ZBTB17: variants seen among roughly 807,000 people sequenced by gnomAD.
ZBTB17 encodes the protein zinc finger and BTB domain containing 17.
ZBTB17 carries 24 observed loss-of-function variants against 85.1 expected under a neutral mutation model. That is an observed-to-expected ratio of 0.28 (90% CI 0.20 to 0.40). The LOEUF is 0.40. ZBTB17 is among the 10% of genes least tolerant of loss of function. The pLI, the probability that ZBTB17 is intolerant of heterozygous loss-of-function variation, is 1.00. For synonymous variants in ZBTB17, 464 were observed against 460.2 expected, an observed-to-expected ratio of 1.01 and a Z score of -0.11; for missense variants, 743 against 1,105.1, an observed-to-expected ratio of 0.67 and a Z score of 4.65.
chr1:15,959,614 G>GGAGGGAGGA (rs373396063), intron 2 of ZBTB17, among the ~76,000 whole-genome samples: 2 of 145,890 alleles, frequency 1.4e-5, no homozygotes, highest in African/African-American at 2.5e-5. Context: ...ACAGAGGGAA[G>GGAGGGAGGA]GAGGGAGGAG....
intron 5 of ZBTB17, 47 bp from the exon 6 acceptor site, chr1:15,945,887 G>T: frequency 6.4e-7 from 1 of 1,569,000 alleles, no homozygotes; most frequent in East Asian, 2.2e-5. Flanking sequence ...CTCTGCCCAG[G>T]GGTCGGATAC....
intron 2 of ZBTB17, among the ~76,000 whole-genome samples, chr1:15,950,585 A>C (rs1208999952): frequency 6.6e-6 from 1 of 152,234 alleles, no homozygotes; most frequent in Non-Finnish European, 1.5e-5. Flanking sequence ...AACTGGCTTC[A>C]GAAGCAGCCC....
chr1:15,963,604 G>A (rs925121028), intron 2 of ZBTB17, among the ~76,000 whole-genome samples: 7 of 152,082 alleles, frequency 4.6e-5, no homozygotes, highest in South Asian at 2.1e-4. Flanking sequence ...ACAGAGGAGG[G>A]AAAAATCTTC....
At position 15,942,940 on chromosome 1, in the gene ZBTB17, C is replaced by T. The variant is rs75136744; in HGVS notation, c.1828+124G>A. ...GTCCTCATTTGAACAGAACTGCCTT[C>T]AAGGCCACCTGCAGCAAGAGCTAGC... On this transcript the variant is annotated intron_variant, in intron 13 of 15. Transcript: ENST00000375743. The T allele has an allele frequency of 8.9e-4, 1,305 of 1,470,466 alleles. 14 individuals carry two copies. In the African/African-American group the frequency reaches 0.016, roughly 18 times the overall value. The allele number at this position is 1,470,466 out of a possible 1,614,324, so 91.1% of individuals were successfully genotyped here.
intron 14 of ZBTB17, 25 bp from the exon 15 acceptor site, chr1:15,942,445 A>AG: frequency 6.2e-7 from 1 of 1,612,490 alleles, no homozygotes; most frequent in Non-Finnish European, 8.5e-7. Flanking sequence ...GCAGGGCCTA[A>AG]GGTGAAGGCA....
Position 15,944,375 on chromosome 1 carries a change from G to C in ZBTB17, c.1296C>G (p.Ser432=), listed in dbSNP as rs1191509180. Residue 432 remains serine, a synonymous_variant, in exon 9 of 16, where the codon TCC becomes TCG. Transcript: ENST00000375743. Reference sequence around the variant, plus strand: ...CGTGGGTCTCCAGGTGGCGCATCTTGGAAGTGGGGTCGGAGAAGGAGCGGC... The same window carrying C: ...CGTGGGTCTCCAGGTGGCGCATCTTCGAAGTGGGGTCGGAGAAGGAGCGGC... The part of the protein sequence containing the change: ...YCGRSFSDPT[S]KMRHLETHDT... 6.4e-7 allele frequency: 1 copy of C among 1,559,794 alleles called. No homozygotes were observed. The highest frequency in any genetic ancestry group is 1.9e-5 in the Admixed American group (1 of 51,694).
At chr1:15,975,803 C>T (rs1410990879) in intron 1 of ZBTB17, among the ~76,000 whole-genome samples, 180 bp downstream of exon 1, 1 of 151,458 alleles carries the variant, frequency 6.6e-6, no homozygotes, top group Admixed American at 6.6e-5. Context: ...CGACGCCCCC[C>T]GCCCCGCCAC....
chr1:15,972,371 C>T (rs1445912276), intron 2 of ZBTB17, among the ~76,000 whole-genome samples: 1 of 152,210 alleles, frequency 6.6e-6, no homozygotes, highest in Non-Finnish European at 1.5e-5. Flanking sequence ...TGGGATCACA[C>T]CCCCAAGAGA....
Position 15,942,662 on chromosome 1 carries a change from G to C in ZBTB17, c.1905C>G (p.Thr635=), listed in dbSNP as rs143543591. The part of the protein sequence containing the change: ...RVDNLRSHVK[T]VHQGKAGIKI... ...TGATGCCTGCCTTGCCCTGGTGCAC[G>C]GTCTTCACGTGGGAGCGCAGGTTGT... The change falls in exon 14 of 16, where the codon ACC becomes ACG. Residue 635 remains threonine (T), a synonymous_variant. Transcript: ENST00000375743. The C allele has an allele frequency of 8.1e-6, 13 of 1,613,562 alleles. No individual in the cohort carries two copies. In the East Asian group the frequency reaches 8.9e-5, roughly 11 times the overall value.
chr1:15,959,996 A>C (rs2072198409), intron 2 of ZBTB17, among the ~76,000 whole-genome samples: 1 of 152,372 alleles, frequency 6.6e-6, no homozygotes, highest in Non-Finnish European at 1.5e-5. Flanking sequence ...CAATATGAGC[A>C]GAAATTCCTT....
chr1:15,954,426 G>C (rs2071973217), intron 2 of ZBTB17, among the ~76,000 whole-genome samples: 1 of 152,186 alleles, frequency 6.6e-6, no homozygotes, highest in Admixed American at 6.5e-5. Context: ...AGAACAAGCT[G>C]CTCCCAGCTC....
At chr1:15,971,373 T>TAC (rs1355869772) in intron 2 of ZBTB17, among the ~76,000 whole-genome samples, 1 of 82,676 alleles carries the variant, frequency 1.2e-5, no homozygotes, top group African/African-American at 4.6e-5. Context: ...TATATATATA[T>TAC]ACACACACTA....
At chr1:15,962,644 G>C (rs530653610) in intron 2 of ZBTB17, among the ~76,000 whole-genome samples, 4 of 152,166 alleles carry the variant, frequency 2.6e-5, no homozygotes, top group Non-Finnish European at 5.9e-5. Context: ...CTATAGAAAA[G>C]GACAAAACTT....
rs772122257 is a variant in ZBTB17, at chr1:15,966,956, G to A, written c.-3+6083C>T. The stretch of plus-strand genomic sequence containing the variant: ...TAATTAAAAAACAAAAAAAAAAGCC[G>A]TGGCCAGCAAAAGAAGTAGATTATG... On this transcript the variant is annotated intron_variant, in intron 2 of 15. Transcript: ENST00000375743. This position sits in a 1 kb window ranked among gnomAD's most constrained non-coding sequence, Gnocchi z 4.1. 1.3e-5 allele frequency among the ~76,000 whole-genome samples: 2 copies of A among 151,448 alleles called. No individual in the cohort carries two copies. Among genetic ancestry groups the A allele is most frequent in the East Asian group, 1.9e-4 (1 of 5,174 alleles).
In ZBTB17 at chr1:15,944,282, C is replaced by T. The variant is rs1210657699; in HGVS notation, c.1371+18G>A. 3.2e-6 allele frequency: 5 copies of T among 1,549,790 alleles called. No individual in the cohort carries two copies. The highest frequency in any genetic ancestry group is 2.4e-5 in the East Asian group (1 of 40,894). On this transcript the variant is annotated intron_variant, in intron 9 of 15. Transcript: ENST00000375743. ...ACCGGCGGCTGCCAGGCGCTGGTTC[C>T]GGGAGGGGTCCGCACACCTGGTTGA... is the stretch of plus-strand genomic sequence containing the variant.
chr1:15,946,693 C>T (rs1339148878), intron 4 of ZBTB17, among the ~76,000 whole-genome samples: 2 of 152,226 alleles, frequency 1.3e-5, no homozygotes, highest in African/African-American at 2.4e-5. Flanking sequence ...AGAACAGACC[C>T]GCAGGAGGGT....
chr1:15,946,196 GGTC>G lies in ZBTB17; in HGVS notation c.490_492del (p.Asp164del), dbSNP rs748239861. 1.2e-6 allele frequency: 2 copies of G among 1,612,312 alleles called. No homozygotes were observed. The highest frequency in any genetic ancestry group is 2.7e-5 in the African/African-American group (2 of 74,916). On this transcript the variant is annotated inframe_deletion, in exon 5 of 16. Transcript: ENST00000375743. ...GCCTGACCGCCGCGCTCCTCCTTGA[GGTC>G]CCTGCTGGGGCCTATGGGTGTGCTG...
intron 2 of ZBTB17, among the ~76,000 whole-genome samples, chr1:15,962,285 G>A (rs1490973214): frequency 6.6e-6 from 1 of 152,124 alleles, no homozygotes; most frequent in African/African-American, 2.4e-5. Context: ...ACTGTGCCCT[G>A]TGCAGAGAGG....
Position 15,948,334 on chromosome 1 carries a change from C to T in ZBTB17, c.162G>A (p.Val54=). The change falls in exon 3 of 16, where the codon GTG becomes GTA. Residue 54 remains valine, a synonymous_variant. Coordinates refer to ENST00000375743, the MANE Select transcript of ZBTB17 (RefSeq NM_003443.3). ...ACSEYFKMLF[V]DQKDVVHLDI... ...CCAGGTGCACCACGTCCTTCTGGTC[C>T]ACGAAGAGCATCTTGAAGTACTCGC... 1.2e-6 allele frequency: 2 copies of T among 1,613,966 alleles called. No homozygotes were observed. The highest frequency in any genetic ancestry group is 1.6e-4 in the Middle Eastern group (1 of 6,062).
Sources: allele counts gnomAD v4.1 joint callset (sites outside exome capture counted in the v4.1 genomes callset), GRCh38; gene constraint gnomAD v4.1.1; non-coding constraint Gnocchi (gnomAD v3.1); transcripts MANE v1.5; gene names NCBI Gene and HGNC (gene_info 2026-07-23, HGNC 2026-07-21).